FBXW4: variants seen among roughly 807,000 people sequenced by gnomAD.
The protein encoded by FBXW4 is F-box and WD repeat domain containing 4.
FBXW4 carries 40 observed loss-of-function variants against 61.8 expected under a neutral mutation model. That is an observed-to-expected ratio of 0.65 (90% CI 0.50 to 0.84). The LOEUF (loss-of-function observed/expected upper bound fraction) is 0.84, where lower values mean the gene tolerates loss of function less well. Ranked by LOEUF, FBXW4 falls within the 40% of genes least tolerant of loss-of-function variation. FBXW4 has a pLI of 0.00. For synonymous variants in FBXW4, 311 were observed against 313.8 expected (o/e 0.99, Z 0.10); for missense variants, 672 against 753.8 (o/e 0.89, Z 1.27).
At chr10:101,632,441 TTATTCTC>T (rs930264344) in intron 5 of FBXW4, among the ~76,000 whole-genome samples, 2 of 152,086 alleles carry the variant, frequency 1.3e-5, no homozygotes, top group African/African-American at 4.8e-5. Flanking sequence ...CACAAAATGA[TTATTCTC>T]TATTTTAACG....
At chr10:101,670,044 C>G (rs182069001) in intron 4 of FBXW4, among the ~76,000 whole-genome samples, 1 of 152,032 alleles carries the variant, frequency 6.6e-6, no homozygotes, top group African/African-American at 2.4e-5. Context: ...TGTGAGCCAC[C>G]GCGCCCGGCC....
intron 6 of FBXW4, among the ~76,000 whole-genome samples, chr10:101,615,191 A>AG (rs1373956511): frequency 1.3e-5 from 2 of 152,224 alleles, no homozygotes; most frequent in South Asian, 2.1e-4. Flanking sequence ...GGGGGGCGAG[A>AG]GGGGGGTGCA....
chr10:101,650,121 G>A (rs2064133978), intron 5 of FBXW4, among the ~76,000 whole-genome samples: 2 of 152,180 alleles, frequency 1.3e-5, no homozygotes, highest in Admixed American at 6.5e-5. Flanking sequence ...CAAGCTCCTG[G>A]CACAAGGCTA....
chr10:101,673,904 T>C (rs1275831005), intron 2 of FBXW4, among the ~76,000 whole-genome samples: 1 of 152,206 alleles, frequency 6.6e-6, no homozygotes, highest in Non-Finnish European at 1.5e-5. Flanking sequence ...TAAAAGAGAC[T>C]CAAAATTAAA....
At chr10:101,632,053 C>A (rs2063963382) in intron 5 of FBXW4, among the ~76,000 whole-genome samples, 1 of 152,152 alleles carries the variant, frequency 6.6e-6, no homozygotes, top group South Asian at 2.1e-4. Context: ...CCCTGGTACA[C>A]CTTGCCCTGA....
intron 5 of FBXW4, among the ~76,000 whole-genome samples, chr10:101,663,133 T>G (rs1485347765): frequency 6.6e-6 from 1 of 152,214 alleles, no homozygotes; most frequent in Non-Finnish European, 1.5e-5. Context: ...ATTCCACATG[T>G]GGCCCTGCAT....
chr10:101,670,476 A>C (rs1261629398), intron 4 of FBXW4, among the ~76,000 whole-genome samples: 1 of 152,230 alleles, frequency 6.6e-6, no homozygotes. Flanking sequence ...ATTACAATAA[A>C]TCTTCCCTTC....
Position 101,695,048 on chromosome 10 carries a change from C to T in FBXW4, c.58G>A (p.Gly20Ser). The T allele has an allele frequency of 9.9e-7, 1 of 1,005,812 alleles. No homozygotes were observed. The highest frequency in any genetic ancestry group is 1.2e-6 in the Non-Finnish European group (1 of 843,668). The allele number at this position is 1,005,812 out of a possible 1,614,324, so 62.3% of individuals were successfully genotyped here. The change falls in exon 1 of 9, where the codon GGC becomes AGC. Residue 20 changes from glycine to serine, a missense_variant. Physicochemically the swap from Gly to Ser is moderately conservative, Grantham distance 56 (BLOSUM62 0). Transcript: ENST00000331272. This position sits in a 1 kb window ranked among gnomAD's most constrained non-coding sequence, Gnocchi z 4.2. Reference sequence around the variant, plus strand: ...TCCTGCAGCTTCCTCGCCTCTCCGCCCTCGCCCTCGCCGGGCCCGCCGTTC... The same window carrying T: ...TCCTGCAGCTTCCTCGCCTCTCCGCTCTCGCCCTCGCCGGGCCCGCCGTTC... ...PGNGGPGEGE[G>S]GEARKLQEGR...
chr10:101,691,178 T>G (rs1000508028), intron 1 of FBXW4, among the ~76,000 whole-genome samples: 3 of 152,136 alleles, frequency 2.0e-5, no homozygotes, highest in Admixed American at 6.5e-5. Flanking sequence ...ACGACAGCCC[T>G]GCCACTATCC....
At chr10:101,634,017 G>A (rs958568890) in intron 5 of FBXW4, among the ~76,000 whole-genome samples, 3 of 152,086 alleles carry the variant, frequency 2.0e-5, no homozygotes, top group Non-Finnish European at 4.4e-5. Flanking sequence ...GGAGGCTGAG[G>A]CAGGAGAATC....
chr10:101,674,909 C>T (rs1339717262), intron 2 of FBXW4, among the ~76,000 whole-genome samples: 1 of 152,208 alleles, frequency 6.6e-6, no homozygotes, highest in African/African-American at 2.4e-5. Flanking sequence ...TCCCACCTGT[C>T]CTATTCTACA....
intron 5 of FBXW4, among the ~76,000 whole-genome samples, chr10:101,646,092 G>A (rs1279136258): frequency 2.6e-5 from 4 of 152,176 alleles, no homozygotes; most frequent in African/African-American, 9.7e-5. Context: ...TCACTGGCCA[G>A]GCCATAGAGC....
intron 5 of FBXW4, among the ~76,000 whole-genome samples, chr10:101,658,797 A>G (rs748318237): frequency 9.2e-5 from 14 of 152,048 alleles, no homozygotes; most frequent in Non-Finnish European, 1.3e-4. Flanking sequence ...CCCCTAGTCT[A>G]CTTACAAGAG....
intron 5 of FBXW4, among the ~76,000 whole-genome samples, chr10:101,662,920 C>G (rs1163707776): frequency 6.6e-6 from 1 of 152,190 alleles, no homozygotes; most frequent in Non-Finnish European, 1.5e-5. Flanking sequence ...ATGCTGCCTT[C>G]TCCCACCACT....
At position 101,640,250 on chromosome 10, in the gene FBXW4, G is replaced by C. The variant is rs917307971; in HGVS notation, c.1236-15440C>G. Among the ~76,000 whole-genome samples, 4 of 152,298 alleles carry C rather than the reference G, an allele frequency of 2.6e-5. No individual in the cohort carries two copies. In the East Asian group the frequency reaches 5.8e-4, roughly 22 times the overall value. On this transcript the variant is annotated intron_variant, in intron 5 of 8. Transcript: ENST00000331272. ...AAATCTACCTGCCCACTCCCAGTAG[G>C]GGGTGAGGAGATGGTCTGGACAACA...
intron 5 of FBXW4, among the ~76,000 whole-genome samples, chr10:101,629,081 A>T (rs984390941): frequency 5.3e-5 from 8 of 152,220 alleles, no homozygotes; most frequent in African/African-American, 9.6e-5. Context: ...CAAGACATAG[A>T]AAAGAGGAAA....
At chr10:101,669,783 CT>C (rs2064340929) in intron 4 of FBXW4, among the ~76,000 whole-genome samples, 1 of 147,466 alleles carries the variant, frequency 6.8e-6, no homozygotes, top group South Asian at 2.1e-4. Context: ...GAGATGGAGT[CT>C]TGCTCTGTTG....
At chr10:101,688,918 C>T (rs2134921308) in intron 1 of FBXW4, among the ~76,000 whole-genome samples, 2 of 152,266 alleles carry the variant, frequency 1.3e-5, no homozygotes, top group Non-Finnish European at 2.9e-5. Context: ...AAATTTCTCC[C>T]AGTTCCATGG....
chr10:101,630,785 A>G (rs977663469), intron 5 of FBXW4, among the ~76,000 whole-genome samples: 7 of 152,210 alleles, frequency 4.6e-5, no homozygotes, highest in African/African-American at 1.4e-4. Context: ...ACCCTGGGTC[A>G]CCAAAGGGAT....
Sources: gnomAD v4.1 joint callset for allele counts (sites outside exome capture counted in the v4.1 genomes callset) on GRCh38, gnomAD v4.1.1 for gene constraint, Gnocchi (gnomAD v3.1) non-coding constraint, MANE v1.5 for transcripts, NCBI Gene and HGNC (gene_info 2026-07-23, HGNC 2026-07-21) for gene names.